IGDCC4: variants seen among roughly 807,000 people sequenced by gnomAD.
IGDCC4 encodes immunoglobulin superfamily DCC subclass member 4, also known as likely ortholog of mouse neighbor of Punc E11.
IGDCC4 carries 72 observed loss-of-function variants against 116.6 expected under a neutral mutation model. The observed-to-expected ratio is 0.62, with a 90% CI of 0.51 to 0.75. The LOEUF (loss-of-function observed/expected upper bound fraction) is 0.75, where lower values mean the gene tolerates loss of function less well. Among genes scored for constraint, IGDCC4 ranks in the 30% least tolerant of loss-of-function variants. The pLI is 0.00. For missense variants in IGDCC4, 1,501 were observed against 1,662.4 expected (o/e 0.90, Z 1.69); for synonymous variants, 709 against 719.9 (o/e 0.98, Z 0.24).
rs1330510271 is a variant in IGDCC4, at chr15:65,385,081, G to A, written c.3215C>T (p.Ala1072Val). 3.1e-6 allele frequency: 5 copies of A among 1,602,406 alleles called. No homozygotes were observed. Among genetic ancestry groups the A allele is most frequent in the Non-Finnish European group, 4.2e-6 (5 of 1,177,594 alleles). The change falls in exon 19 of 20, where the codon GCT becomes GTT. Residue 1072 changes from alanine to valine, a missense_variant. Transcript: ENST00000352385. ...SWAQPSGLSW[A>V]GSWAGCELPQ... is the part of the protein sequence containing the mutation. ...CAGCTCACAGCCTGCCCAGGAACCA[G>A]CCCAGCTCAGCCCGCTTGGTTGAGC...
At chr15:65,421,919 T>C (rs777386521) in intron 1 of IGDCC4, among the ~76,000 whole-genome samples, 50 of 151,794 alleles carry the variant, frequency 3.3e-4, no homozygotes, top group Admixed American at 9.2e-4. Context: ...CCCAGCCCTT[T>C]CTCCAGCTTG....
intron 1 of IGDCC4, among the ~76,000 whole-genome samples, chr15:65,413,623 C>A (rs867502645): frequency 6.6e-5 from 10 of 152,328 alleles, no homozygotes; most frequent in South Asian, 2.1e-4. Flanking sequence ...AGAAGGTTGA[C>A]CTGCTGCCTC....
At chr15:65,386,443 C>T (rs1229655244) in intron 17 of IGDCC4, 108 bp downstream of exon 17, 4 of 911,522 alleles carry the variant, frequency 4.4e-6, no homozygotes, top group Non-Finnish European at 5.2e-6. Flanking sequence ...TTTAACGGGG[C>T]TCCTGGGAGT....
In IGDCC4 at chr15:65,384,647, G is replaced by C. The variant is rs2091435508; in HGVS notation, c.3343-228C>G. On this transcript the variant is annotated intron_variant, in intron 19 of 19. Coordinates refer to ENST00000352385, the MANE Select transcript of IGDCC4 (RefSeq NM_020962.3). The surrounding 1 kb of genome is among the most constrained non-coding windows in gnomAD (Gnocchi z 4.9). Reference sequence around the variant, plus strand: ...TTTCAGGAGTACCAGACTCAGTCAGGGCCTCTGGGGACAGGAGGAAGGGCT... The same window carrying C: ...TTTCAGGAGTACCAGACTCAGTCAGCGCCTCTGGGGACAGGAGGAAGGGCT... 6.6e-6 allele frequency among the ~76,000 whole-genome samples: 1 copy of C among 152,116 alleles called. No individual in the cohort carries two copies. Among genetic ancestry groups the C allele is most frequent in the Non-Finnish European group, 1.5e-5 (1 of 68,014 alleles).
At chr15:65,396,793 C>A in intron 6 of IGDCC4, 41 bp downstream of exon 6, 1 of 1,546,198 alleles carries the variant, frequency 6.5e-7, no homozygotes, top group Non-Finnish European at 8.7e-7. Context: ...TTCACCCCAG[C>A]CCCAGCTAAC....
chr15:65,398,763 T>C (rs578023734), intron 5 of IGDCC4, among the ~76,000 whole-genome samples: 79 of 151,766 alleles, frequency 5.2e-4, no homozygotes, highest in African/African-American at 1.6e-3. Flanking sequence ...TGGTGGCGGG[T>C]GCCTGTAGTC....
Position 65,413,560 on chromosome 15 carries a change from C to T in IGDCC4, c.71-2190G>A, listed in dbSNP as rs572662981. Among the ~76,000 whole-genome samples, 4 of 152,302 alleles carry T rather than the reference C, an allele frequency of 2.6e-5. No homozygotes were observed. The South Asian group carries it at 8.3e-4, about 32-fold the overall frequency. On this transcript the variant is annotated intron_variant, in intron 1 of 19. Coordinates refer to ENST00000352385, the MANE Select transcript of IGDCC4 (RefSeq NM_020962.3). ...TTATTGGAACCAATGTTCTGCAGGGCCCAGCCACCATTATTCATAGACAAA... is the reference window on the plus strand; with the variant it reads ...TTATTGGAACCAATGTTCTGCAGGGTCCAGCCACCATTATTCATAGACAAA...
chr15:65,392,140 G>A lies in IGDCC4; in HGVS notation c.2116C>T (p.Gln706Ter). Residue 706 changes from glutamine to a stop codon, truncating the protein, a stop_gained, in exon 11 of 20, where the codon CAG (glutamine) becomes TAG (stop). Transcript: ENST00000352385. LOFTEE classifies it high-confidence loss of function. ...KKKVKQYELT[Q>*]LVPGRLYEVK... ...TCCCCCCAGCCCTCCTCACCTAGCT[G>A]GGTCAGCTCATACTGCTTCACTTTC... is the stretch of plus-strand genomic sequence containing the variant. The A allele has an allele frequency of 6.3e-7, 1 of 1,598,818 alleles. No individual in the cohort carries two copies. Among genetic ancestry groups the A allele is most frequent in the Non-Finnish European group, 8.5e-7 (1 of 1,171,248 alleles).
intron 16 of IGDCC4, among the ~76,000 whole-genome samples, chr15:65,388,088 A>G (rs990425085): frequency 6.6e-6 from 1 of 152,184 alleles, no homozygotes; most frequent in African/African-American, 2.4e-5. Context: ...TACTAAAAAT[A>G]CAAAAATTAG....
intron 1 of IGDCC4, among the ~76,000 whole-genome samples, chr15:65,412,818 G>C (rs1343987924): frequency 6.6e-6 from 1 of 151,968 alleles, no homozygotes; most frequent in African/African-American, 2.4e-5. Context: ...GATCCCTTGA[G>C]CCCAGAAGGT....
At chr15:65,388,648 G>C (rs544354391) in intron 15 of IGDCC4, 62 bp from the exon 16 acceptor site, 1 of 1,608,950 alleles carries the variant, frequency 6.2e-7, no homozygotes, top group African/African-American at 1.3e-5. Flanking sequence ...TGCAGAGGTG[G>C]GCAGGGAGGG....
intron 3 of IGDCC4, among the ~76,000 whole-genome samples, chr15:65,406,537 G>A (rs1033130771): frequency 5.3e-5 from 8 of 152,150 alleles, no homozygotes; most frequent in African/African-American, 9.7e-5. Context: ...ACACCCTGAC[G>A]CAGTGTGTTT....
At chr15:65,388,101 G>A (rs1231316256) in intron 16 of IGDCC4, among the ~76,000 whole-genome samples, 6 of 152,038 alleles carry the variant, frequency 3.9e-5, no homozygotes, top group African/African-American at 9.7e-5. Flanking sequence ...AAAATTAGCC[G>A]GGCATGGTGG....
At position 65,395,181 on chromosome 15, in the gene IGDCC4, T is replaced by C; in HGVS notation, c.1489A>G (p.Thr497Ala). ...GCCACCACGTAGAACTCATAATCTGTGTTGGGTTCCAGGTCCCGAACCTGT... is the reference window on the plus strand; with the variant it reads ...GCCACCACGTAGAACTCATAATCTGCGTTGGGTTCCAGGTCCCGAACCTGT... Reference protein sequence around the residue: ...ELQVRDLEPNTDYEFYVVAYS... With the variant: ...ELQVRDLEPNADYEFYVVAYS... Residue 497 changes from threonine to alanine, a missense_variant, in exon 8 of 20, where the codon ACA becomes GCA. This residue lies in a region of IGDCC4 where 898 missense variants were observed against 978.9 expected (regional missense o/e 0.92). Coordinates refer to ENST00000352385, the MANE Select transcript of IGDCC4 (RefSeq NM_020962.3). The C allele has an allele frequency of 1.2e-6, 2 of 1,613,932 alleles. No homozygotes were observed. Among genetic ancestry groups the C allele is most frequent in the African/African-American group, 2.7e-5 (2 of 74,996 alleles).
chr15:65,391,788 G>A, intron 12 of IGDCC4, 92 bp downstream of exon 12: 1 of 1,148,192 alleles, frequency 8.7e-7, no homozygotes, highest in East Asian at 2.3e-5. Flanking sequence ...TAAAGTACCT[G>A]CTCACCAGGC....
intron 1 of IGDCC4, among the ~76,000 whole-genome samples, chr15:65,412,184 A>C (rs1475501903): frequency 6.6e-6 from 1 of 152,006 alleles, no homozygotes; most frequent in Non-Finnish European, 1.5e-5. Flanking sequence ...ACGACACTGC[A>C]CTCCAGCCTG....
In IGDCC4 at chr15:65,395,753, G is replaced by T. The variant is rs936010155; in HGVS notation, c.1408C>A (p.Arg470=). Residue 470 remains arginine (R), a synonymous_variant, in exon 7 of 20, where the codon CGG becomes AGG. Transcript: ENST00000352385. ...ATCCCGCCCCAGGCCGACGTACCCCGTGCCTTCTGGTAGTGGAGAGAGAAG... is the reference window on the plus strand; with the variant it reads ...ATCCCGCCCCAGGCCGACGTACCCCTTGCCTTCTGGTAGTGGAGAGAGAAG... The part of the protein sequence containing the change: ...IGFSLHYQKA[R]GMDNVEYQFA... 2.1e-6 allele frequency: 3 copies of T among 1,438,596 alleles called. No homozygotes were observed. The highest frequency in any genetic ancestry group is 2.9e-5 in the South Asian group (2 of 70,060). 89.1% of individuals were successfully genotyped at this position (1,438,596 alleles called of 1,614,324 possible).
chr15:65,422,283 A>T (rs1402124893), intron 1 of IGDCC4, among the ~76,000 whole-genome samples: 1 of 152,080 alleles, frequency 6.6e-6, no homozygotes, highest in African/African-American at 2.4e-5. Context: ...ACACTTCCCA[A>T]ATGCCAAGGC....
At chr15:65,399,122 G>A (rs985170457) in intron 5 of IGDCC4, among the ~76,000 whole-genome samples, 1 of 152,038 alleles carries the variant, frequency 6.6e-6, no homozygotes, top group African/African-American at 2.4e-5. Context: ...ACTGAGGCAG[G>A]GCCCCAGATT....
Sources: allele counts gnomAD v4.1 joint callset (sites outside exome capture counted in the v4.1 genomes callset), GRCh38; gene constraint gnomAD v4.1.1; regional missense constraint gnomAD v4.1.1; non-coding constraint Gnocchi (gnomAD v3.1); transcripts MANE v1.5; gene names NCBI Gene and HGNC (gene_info 2026-07-23, HGNC 2026-07-21).